The following LRRC51 variants were observed in gnomAD, a reference collection of about 807,000 sequenced individuals.
LRRC51 encodes the protein leucine rich repeat containing 51, also known as leucine-rich repeat-containing protein 51.
Under a neutral mutation model 17.8 loss-of-function variants are expected in LRRC51, and 8 were observed. That is an observed-to-expected ratio of 0.45 (90% CI 0.26 to 0.81). LRRC51 has a LOEUF of 0.81. Ranked by LOEUF, LRRC51 falls within the 30% of genes least tolerant of loss-of-function variation. The pLI is 0.17. For missense variants in LRRC51, 233 were observed against 239.3 expected (o/e 0.97, Z 0.17); for synonymous variants, 92 against 96.0 (o/e 0.96, Z 0.24).
chr11:72,081,152 G>T (rs1944159267), intron 1 of LRRC51, among the ~76,000 whole-genome samples: 2 of 152,228 alleles, frequency 1.3e-5, no homozygotes. Flanking sequence ...GCCGGGAGCG[G>T]TGGCTCACGC....
At chr11:72,084,861 C>CGTGTGTGT (rs55904624) in intron 1 of LRRC51, among the ~76,000 whole-genome samples, 54 of 124,316 alleles carry the variant, frequency 4.3e-4, no homozygotes, top group Middle Eastern at 4.0e-3. Flanking sequence ...AAAAGAAAAC[C>CGTGTGTGT]GTGTGTGTGT....
chr11:72,083,885 G>C (rs1238240687), intron 1 of LRRC51: 1 of 152,280 alleles, frequency 6.6e-6, no homozygotes, highest in Non-Finnish European at 1.5e-5. Flanking sequence ...CAGAATTGGA[G>C]TTGAGGATGA....
chr11:72,095,696 G>C lies in LRRC51; in HGVS notation c.*176G>C. 1 of 1,404,526 alleles carries C rather than the reference G, an allele frequency of 7.1e-7. No homozygotes were observed. Among genetic ancestry groups the C allele is most frequent in the South Asian group, 1.4e-5 (1 of 71,762 alleles). 87.0% of individuals were successfully genotyped at this position (1,404,526 alleles called of 1,614,324 possible). On this transcript the variant is annotated 3_prime_UTR_variant, in exon 6 of 6. Transcript: ENST00000289488. ...CTTTTCTTTTTTTTTTTTTTGAGACGGAGTCTCACTCTGTCACACAGGCTG... is the reference window on the plus strand; with the variant it reads ...CTTTTCTTTTTTTTTTTTTTGAGACCGAGTCTCACTCTGTCACACAGGCTG...
At position 72,093,527 on chromosome 11, in the gene LRRC51, A is replaced by G. The variant is rs756219696; in HGVS notation, c.114A>G (p.Leu38=). 1 of 1,614,036 alleles carries G rather than the reference A, an allele frequency of 6.2e-7. No individual in the cohort carries two copies. The highest frequency in any genetic ancestry group is 8.5e-7 in the Non-Finnish European group (1 of 1,179,968). The part of the protein sequence containing the change: ...DLVNEEPRTG[L]RPLKRSKSGK... ...TAAATGAGGAGCCAAGGACAGGACT[A>G]CGACCACTGAAGCGTTCAAAGTCGG... Residue 38 remains leucine, a synonymous_variant, in exon 4 of 6, where the codon CTA becomes CTG. Coordinates refer to ENST00000289488, the MANE Select transcript of LRRC51 (RefSeq NM_145309.6).
At chr11:72,093,729 C>A in intron 4 of LRRC51, 28 bp downstream of exon 4, 1 of 1,610,272 alleles carries the variant, frequency 6.2e-7, no homozygotes, top group South Asian at 1.1e-5. Context: ...GGAATCCAGT[C>A]AGGGGAGCCT....
Position 72,096,109 on chromosome 11 carries a change from T to C in LRRC51, c.*589T>C, listed in dbSNP as rs1399425615. ...ACTCCGCCTTCCAGGTTCACGCCATTCTCCTGCCTCAGCCTCCCAAGTAGC... is the reference window on the plus strand; with the variant it reads ...ACTCCGCCTTCCAGGTTCACGCCATCCTCCTGCCTCAGCCTCCCAAGTAGC... On this transcript the variant is annotated 3_prime_UTR_variant, in exon 6 of 6. Coordinates refer to ENST00000289488, the MANE Select transcript of LRRC51 (RefSeq NM_145309.6). 5.9e-6 allele frequency: 1 copy of C among 168,796 alleles called. No individual in the cohort carries two copies. The highest frequency in any genetic ancestry group is 1.3e-5 in the Non-Finnish European group (1 of 77,360). The allele number at this position is 168,796 out of a possible 1,614,324, so 10.5% of individuals were successfully genotyped here.
intron 3 of LRRC51, among the ~76,000 whole-genome samples, chr11:72,090,835 C>T (rs1278553176): frequency 2.0e-5 from 3 of 152,220 alleles, no homozygotes; most frequent in Non-Finnish European, 4.4e-5. Context: ...TGAGGGATGA[C>T]ACAGGGAAGT....
At position 72,087,050 on chromosome 11, in the gene LRRC51, A is replaced by T. The variant is rs193184710; in HGVS notation, c.-139-1247A>T. ...AAAGATTCAAGTCTCCCTAATTGACAATCCATGCCCATGGGACCAGTTCAT... is the reference window on the plus strand; with the variant it reads ...AAAGATTCAAGTCTCCCTAATTGACTATCCATGCCCATGGGACCAGTTCAT... On this transcript the variant is annotated intron_variant, in intron 1 of 5. Transcript: ENST00000289488. Among the ~76,000 whole-genome samples the T allele has an allele frequency of 3.2e-3, 489 of 152,314 alleles. 1 individual carries two copies. Among genetic ancestry groups the T allele is most frequent in the Admixed American group, 5.6e-3 (85 of 15,294 alleles).
Position 72,096,003 on chromosome 11 carries a change from CAGCT to C in LRRC51, c.*485_*488del, listed in dbSNP as rs965228177. On this transcript the variant is annotated 3_prime_UTR_variant, in exon 6 of 6. Transcript: ENST00000289488. ...GATTACAGGCGCCTGCTACCACATC[CAGCT>C]AATTTTTTTTTTTGAGACGGAGTCT... is the stretch of plus-strand genomic sequence containing the variant. The C allele has an allele frequency of 1.2e-5, 2 of 173,730 alleles. No homozygotes were observed. Among genetic ancestry groups the C allele is most frequent in the Admixed American group, 1.2e-4 (2 of 16,900 alleles). 10.8% of individuals were successfully genotyped at this position (173,730 alleles called of 1,614,324 possible). A position where few individuals can be genotyped will look rare whatever the true frequency, so the allele number is the denominator to read the frequency against.
intron 5 of LRRC51, 26 bp downstream of exon 5, chr11:72,095,122 C>T (rs200615492): frequency 8.6e-5 from 139 of 1,610,266 alleles, no homozygotes; most frequent in Middle Eastern, 4.9e-4. Flanking sequence ...CTGGAGGTAG[C>T]GTCTAGCTGG....
At chr11:72,085,669 G>C (rs1297904489) in intron 1 of LRRC51, 1 of 152,184 alleles carries the variant, frequency 6.6e-6, no homozygotes, top group Non-Finnish European at 1.5e-5. Context: ...CTATTGCCGT[G>C]TAATAAACCA....
Position 72,093,593 on chromosome 11 carries a change from TCTC to T in LRRC51, c.181_183del (p.Leu61del). 1 of 1,614,190 alleles carries T rather than the reference TCTC, an allele frequency of 6.2e-7. No homozygotes were observed. The highest frequency in any genetic ancestry group is 8.5e-7 in the Non-Finnish European group (1 of 1,180,034). ...AGTCCCTGTGGCTGAATAACAATGT[TCTC>T]AATGATCTGAGAGACTTCAACCAGG... On this transcript the variant is annotated inframe_deletion, in exon 4 of 6. Coordinates refer to ENST00000289488, the MANE Select transcript of LRRC51 (RefSeq NM_145309.6).
intron 3 of LRRC51, among the ~76,000 whole-genome samples, chr11:72,092,602 T>A (rs1393077755): frequency 5.9e-5 from 9 of 152,232 alleles, no homozygotes; most frequent in African/African-American, 2.2e-4. Context: ...AAGCCCAAGA[T>A]CCTTAGCCTG....
chr11:72,096,869 T>G lies in LRRC51; in HGVS notation c.*1349T>G, dbSNP rs998939267. 2.2e-5 allele frequency: 28 copies of G among 1,269,214 alleles called. No individual in the cohort carries two copies. The highest frequency in any genetic ancestry group is 2.0e-4 in the Middle Eastern group (1 of 4,954). 78.6% of individuals were successfully genotyped at this position (1,269,214 alleles called of 1,614,324 possible). On this transcript the variant is annotated 3_prime_UTR_variant, in exon 6 of 6. Coordinates refer to ENST00000289488, the MANE Select transcript of LRRC51 (RefSeq NM_145309.6). ...CTGGGATTCTGCTTAAGATTTCATT[T>G]GATAAAAAGAATCTTCTGCTTAAAA... is the stretch of plus-strand genomic sequence containing the variant.
chr11:72,081,437 G>A (rs549578776), intron 1 of LRRC51, among the ~76,000 whole-genome samples: 4 of 152,020 alleles, frequency 2.6e-5, no homozygotes, highest in Non-Finnish European at 5.9e-5. Context: ...AAAACAAAAC[G>A]AAACAAAACA....
intron 1 of LRRC51, among the ~76,000 whole-genome samples, chr11:72,084,460 G>C (rs1944412627): frequency 6.6e-6 from 1 of 152,146 alleles, no homozygotes; most frequent in Admixed American, 6.5e-5. Context: ...AAAATACTTT[G>C]CAACTATTAA....
In LRRC51 at chr11:72,095,841, T is replaced by TTTG. The variant is rs766599484; in HGVS notation, c.*339_*341dup. ...GCGCCTGCCACCATGACTGGCTAAT[T>TTTG]TTGTTGTTGTTGTTGTTGTTTTGAG... On this transcript the variant is annotated 3_prime_UTR_variant, in exon 6 of 6. Coordinates refer to ENST00000289488, the MANE Select transcript of LRRC51 (RefSeq NM_145309.6). 5.2e-4 allele frequency: 209 copies of TTTG among 404,318 alleles called. 3 individuals carry two copies. The highest frequency in any genetic ancestry group is 3.8e-3 in the South Asian group (176 of 46,256). 25.0% of individuals were successfully genotyped at this position (404,318 alleles called of 1,614,324 possible). A position where few individuals can be genotyped will look rare whatever the true frequency, so the allele number is the denominator to read the frequency against.
intron 1 of LRRC51, chr11:72,086,199 C>T (rs1944522405): frequency 1.7e-6 from 1 of 575,796 alleles, no homozygotes; most frequent in Non-Finnish European, 3.1e-6. Flanking sequence ...TACACTAGAA[C>T]TGAGTGTTGA....
chr11:72,092,640 G>A (rs544848167), intron 3 of LRRC51, among the ~76,000 whole-genome samples: 7 of 152,364 alleles, frequency 4.6e-5, no homozygotes, highest in Admixed American at 4.6e-4. Flanking sequence ...CTGGATTCCT[G>A]CCTCCTTTTC....
Sources: allele counts gnomAD v4.1 joint callset (sites outside exome capture counted in the v4.1 genomes callset), GRCh38; gene constraint gnomAD v4.1.1; transcripts MANE v1.5; gene names NCBI Gene and HGNC (gene_info 2026-07-23, HGNC 2026-07-21).